Variants in ABITRAM observed in about 807,000 individuals in gnomAD.
ABITRAM encodes the protein actin binding transcription modulator.
Under a neutral mutation model 22.9 loss-of-function variants are expected in ABITRAM, and 19 were observed. The ratio of observed to expected loss-of-function variants is 0.83; its 90% CI spans 0.58 to 1.22. The LOEUF is 1.22. Ranked by LOEUF, ABITRAM falls within the 50% of genes most tolerant of loss-of-function variation. The pLI is 0.00. For missense variants in ABITRAM, 215 were observed against 220.2 expected (o/e 0.98, Z 0.15); for synonymous variants, 70 against 73.9 (o/e 0.95, Z 0.27).
At chr9:108,934,697 G>C in intron 1 of ABITRAM, 132 bp downstream of exon 1, 1 of 861,030 alleles carries the variant, frequency 1.2e-6, no homozygotes, top group South Asian at 1.6e-5. Flanking sequence ...CTGGACTTCT[G>C]TGTTCCGTCT....
chr9:108,939,341 T>C (rs1830228600), intron 4 of ABITRAM, 44 bp from the exon 5 acceptor site: 1 of 1,589,272 alleles, frequency 6.3e-7, no homozygotes, highest in Non-Finnish European at 8.5e-7. Context: ...AAACAATTTT[T>C]TTTAACTAAG....
downstream of ABITRAM, chr9:108,942,863 G>C (rs1339671385): frequency 5.0e-6 from 8 of 1,612,268 alleles, no homozygotes; most frequent in Non-Finnish European, 6.8e-6. Flanking sequence ...ATTAGTATCT[G>C]GTTTCACTCT....
intron 3 of ABITRAM, among the ~76,000 whole-genome samples, chr9:108,937,948 G>A (rs1830208631): frequency 6.7e-6 from 1 of 148,160 alleles, no homozygotes; most frequent in Non-Finnish European, 1.5e-5. Flanking sequence ...AGTGAGCCAT[G>A]ATGGCAGCAC....
rs949331259 is a variant in ABITRAM, at chr9:108,940,741, T to C, written c.*1055T>C. 1 of 152,172 alleles carries C rather than the reference T, an allele frequency of 6.6e-6. No homozygotes were observed. Among genetic ancestry groups the C allele is most frequent in the Non-Finnish European group, 1.5e-5 (1 of 68,018 alleles). 9.4% of individuals were successfully genotyped at this position (152,172 alleles called of 1,614,324 possible). On this transcript the variant is annotated 3_prime_UTR_variant, in exon 6 of 6. Transcript: ENST00000322940. Reference sequence around the variant, plus strand: ...ACTGGCAAAGAAGTTACTGAGAATATGTCATTCAAAGGCATAGGGGCCTTT... The same window carrying C: ...ACTGGCAAAGAAGTTACTGAGAATACGTCATTCAAAGGCATAGGGGCCTTT...
At chr9:108,938,208 T>C (rs1830211572) in intron 3 of ABITRAM, among the ~76,000 whole-genome samples, 2 of 152,144 alleles carry the variant, frequency 1.3e-5, no homozygotes, top group Non-Finnish European at 2.9e-5. Context: ...AGCCTTCCCC[T>C]TCCTTCCAAA....
rs556422185 is a variant in ABITRAM, at chr9:108,939,502, GTTT to G, written c.409-40_409-38del. 3.8e-6 allele frequency: 6 copies of G among 1,589,986 alleles called. No individual in the cohort carries two copies. In the Admixed American group the frequency reaches 1.1e-4, roughly 28 times the overall value. ...GATCTCATCCACATACCTTTTATTG[GTTT>G]TTTTTTCATCGTTTGACAGTACTAA... On this transcript the variant is annotated intron_variant, in intron 5 of 5. Coordinates refer to ENST00000322940, the MANE Select transcript of ABITRAM (RefSeq NM_017832.4).
At chr9:108,936,207 G>C in intron 2 of ABITRAM, 101 bp from the exon 3 acceptor site, 1 of 1,339,774 alleles carries the variant, frequency 7.5e-7, no homozygotes, top group Non-Finnish European at 1.0e-6. Flanking sequence ...ATGATAGTTT[G>C]ACTAAACAAA....
chr9:108,948,643 G>A (rs967586373), intron 3 of ABITRAM, among the ~76,000 whole-genome samples: 2 of 152,088 alleles, frequency 1.3e-5, no homozygotes, highest in Admixed American at 1.3e-4. Context: ...TTCAATTCTG[G>A]TAGTAACTCA....
At chr9:108,949,402 G>A (rs186269293) in intron 3 of ABITRAM, among the ~76,000 whole-genome samples, 1 of 152,272 alleles carries the variant, frequency 6.6e-6, no homozygotes, top group Admixed American at 6.5e-5. Context: ...CAAAGGAGAT[G>A]CTATAATCTT....
intron 3 of ABITRAM, among the ~76,000 whole-genome samples, chr9:108,950,163 C>T (rs1183463684): frequency 6.6e-6 from 1 of 152,100 alleles, no homozygotes; most frequent in Non-Finnish European, 1.5e-5. Flanking sequence ...GCATGATTTT[C>T]ATCACCATGG....
At chr9:108,950,710 G>T (rs762628769) in exon 4 of ABITRAM, 6 of 1,380,264 alleles carry the variant, frequency 4.3e-6, no homozygotes, top group Non-Finnish European at 4.8e-6. Context: ...TCTTTCTGGT[G>T]ACTTTGCAAA....
chr9:108,939,563 C>T lies in ABITRAM; in HGVS notation c.423C>T (p.Gly141=), dbSNP rs1353593793. 2 of 1,613,714 alleles carry T rather than the reference C, an allele frequency of 1.2e-6. No homozygotes were observed. The highest frequency in any genetic ancestry group is 1.7e-6 in the Non-Finnish European group (2 of 1,179,948). Residue 141 remains glycine (G), a synonymous_variant, in exon 6 of 6, where the codon GGC becomes GGT. Transcript: ENST00000322940. ...SILQEKPSTE[G]YIAVVLPKFE... is the part of the protein sequence containing the mutation. ...TTCCTTTCCAGCCATCTACTGAAGG[C>T]TACATTGCAGTTGTGTTACCCAAAT...
chr9:108,940,446 G>A lies in ABITRAM; in HGVS notation c.*760G>A, dbSNP rs1239367631. 1.3e-5 allele frequency: 2 copies of A among 152,104 alleles called. No individual in the cohort carries two copies. The highest frequency in any genetic ancestry group is 2.4e-5 in the African/African-American group (1 of 41,436). 9.4% of individuals were successfully genotyped at this position (152,104 alleles called of 1,614,324 possible). The stretch of plus-strand genomic sequence containing the variant: ...GTGCCTACCAAAAAGCCTAGTCCTA[G>A]CCCATCTGCCTCAACTCCTCTCCCT... On this transcript the variant is annotated 3_prime_UTR_variant, in exon 6 of 6. Coordinates refer to ENST00000322940, the MANE Select transcript of ABITRAM (RefSeq NM_017832.4).
chr9:108,939,770 A>T lies in ABITRAM; in HGVS notation c.*84A>T, dbSNP rs2132068208. 6.6e-7 allele frequency: 1 copy of T among 1,504,072 alleles called. No individual in the cohort carries two copies. The highest frequency in any genetic ancestry group is 1.4e-5 in the African/African-American group (1 of 71,854). 93.2% of individuals were successfully genotyped at this position (1,504,072 alleles called of 1,614,324 possible). ...GGTACTAAAGGAGAAGAACCAGTAT[A>T]TGTAAAGCATACCTAACAGCCAGCC... On this transcript the variant is annotated 3_prime_UTR_variant, in exon 6 of 6. Coordinates refer to ENST00000322940, the MANE Select transcript of ABITRAM (RefSeq NM_017832.4).
chr9:108,939,279 A>G lies in ABITRAM; in HGVS notation c.338+7A>G. 1 of 1,609,910 alleles carries G rather than the reference A, an allele frequency of 6.2e-7. No homozygotes were observed. Among genetic ancestry groups the G allele is most frequent in the South Asian group, 1.1e-5 (1 of 90,024 alleles). ...AAGAATATACTGTGTCTAGGTGAGT[A>G]ACTTTTTAGCCACCATTTAGGAGAC... On this transcript the variant is annotated splice_region_variant and intron_variant, in intron 4 of 5. Transcript: ENST00000322940.
intron 3 of ABITRAM, among the ~76,000 whole-genome samples, chr9:108,949,418 A>T (rs908603685): frequency 1.8e-4 from 27 of 152,182 alleles, no homozygotes; most frequent in South Asian, 8.3e-4. Flanking sequence ...ATCTTTTTTT[A>T]AAAAGTTGGC....
downstream of ABITRAM, among the ~76,000 whole-genome samples, chr9:108,941,492 C>T (rs1176836510): frequency 6.6e-6 from 1 of 152,140 alleles, no homozygotes; most frequent in East Asian, 1.9e-4. Flanking sequence ...AAAAATCATG[C>T]TTAATGATTT....
At chr9:108,943,702 C>G (rs562577268), downstream of ABITRAM, 1 of 1,606,366 alleles carries the variant, frequency 6.2e-7, no homozygotes, top group East Asian at 2.2e-5. Context: ...GTCTCTTTTA[C>G]CTTTAGAAAT....
downstream of ABITRAM, among the ~76,000 whole-genome samples, chr9:108,945,005 G>A (rs1178577598): frequency 1.3e-5 from 2 of 152,138 alleles, no homozygotes; most frequent in Non-Finnish European, 1.5e-5. Context: ...ATCACTTCAT[G>A]TTACCACTTT....
Sources: gnomAD v4.1 joint callset for allele counts (sites outside exome capture counted in the v4.1 genomes callset) on GRCh38, gnomAD v4.1.1 for gene constraint, MANE v1.5 for transcripts, NCBI Gene and HGNC (gene_info 2026-07-23, HGNC 2026-07-21) for gene names.